The following KCNB2 variants were observed in gnomAD, a reference collection of about 807,000 sequenced individuals.
KCNB2 encodes delayed rectifier potassium channel protein.
KCNB2 carries 15 observed loss-of-function variants against 61.5 expected under a neutral mutation model. The ratio of observed to expected loss-of-function variants is 0.24; its 90% CI spans 0.16 to 0.38. KCNB2 has a LOEUF of 0.38. Among genes scored for constraint, KCNB2 ranks in the 10% least tolerant of loss-of-function variants. The pLI is 1.00. For synonymous variants in KCNB2, 457 were observed against 446.0 expected (o/e 1.02, Z -0.31); for missense variants, 828 against 1,125.2 (o/e 0.74, Z 3.78).
At chr8:72,746,242 T>C (rs1480207949) in intron 2 of KCNB2, among the ~76,000 whole-genome samples, 1 of 152,168 alleles carries the variant, frequency 6.6e-6, no homozygotes, top group African/African-American at 2.4e-5. Flanking sequence ...ATCATGATGC[T>C]ACTACCTCTC....
chr8:72,885,709 T>A (rs1805794856), intron 2 of KCNB2, among the ~76,000 whole-genome samples: 2 of 152,270 alleles, frequency 1.3e-5, no homozygotes, highest in Admixed American at 1.3e-4. Context: ...TCCCTCCCTC[T>A]TTCTCCTGCC....
At chr8:72,678,206 C>T (rs1806693748) in intron 2 of KCNB2, among the ~76,000 whole-genome samples, 1 of 152,188 alleles carries the variant, frequency 6.6e-6, no homozygotes, top group South Asian at 2.1e-4. Context: ...GTCTATGCCA[C>T]CATTGTCTCT....
In KCNB2 at chr8:72,567,944, C is replaced by T. The variant is rs372787931; in HGVS notation, c.210C>T (p.His70=). The T allele has an allele frequency of 7.4e-6, 12 of 1,613,830 alleles. No individual in the cohort carries two copies. The highest frequency in any genetic ancestry group is 5.3e-5 in the African/African-American group (4 of 75,008). ...RLGKLRDCNT[H]ESLLEVCDDY... is the part of the protein sequence containing the mutation. ...GGAAGCTTCGAGACTGCAACACACA[C>T]GAGAGCCTCCTGGAAGTGTGCGACG... is the stretch of plus-strand genomic sequence containing the variant. The change falls in exon 2 of 3, where the codon CAC becomes CAT. Residue 70 remains histidine (H), a synonymous_variant. Coordinates refer to ENST00000523207, the MANE Select transcript of KCNB2 (RefSeq NM_004770.3).
intron 1 of KCNB2, among the ~76,000 whole-genome samples, chr8:72,547,717 A>C (rs1005945532): frequency 6.6e-6 from 1 of 152,228 alleles, no homozygotes; most frequent in Admixed American, 6.5e-5. Context: ...TGATTTCTTC[A>C]GATGAAATTT....
intron 2 of KCNB2, among the ~76,000 whole-genome samples, chr8:72,711,453 G>A (rs1192367713): frequency 2.0e-5 from 3 of 152,130 alleles, no homozygotes; most frequent in Non-Finnish European, 4.4e-5. Context: ...CTATAAACTG[G>A]GAACTTCAGT....
intron 2 of KCNB2, among the ~76,000 whole-genome samples, chr8:72,818,936 T>C (rs920692110): frequency 6.6e-6 from 1 of 152,196 alleles, no homozygotes; most frequent in East Asian, 1.9e-4. Flanking sequence ...ATCTTGGTTC[T>C]ACTGCTTACC....
intron 2 of KCNB2, among the ~76,000 whole-genome samples, chr8:72,729,289 C>A (rs1807702158): frequency 6.6e-6 from 1 of 152,102 alleles, no homozygotes; most frequent in Non-Finnish European, 1.5e-5. Context: ...TTCCAGTGGT[C>A]CATTTTCTAT....
intron 1 of KCNB2, among the ~76,000 whole-genome samples, chr8:72,555,356 G>A (rs76762527): frequency 1.4e-3 from 218 of 151,436 alleles, no homozygotes; most frequent in African/African-American, 5.1e-3. Context: ...CATAACTTTG[G>A]CTCTCTTTCA....
chr8:72,849,000 T>G (rs1240508190), intron 2 of KCNB2, among the ~76,000 whole-genome samples: 1 of 150,422 alleles, frequency 6.6e-6, no homozygotes, highest in African/African-American at 2.4e-5. Flanking sequence ...TTAAGTATTT[T>G]CATCATCTTT....
chr8:72,558,951 G>C (rs941656046), intron 1 of KCNB2, among the ~76,000 whole-genome samples: 1 of 151,970 alleles, frequency 6.6e-6, no homozygotes, highest in Non-Finnish European at 1.5e-5. Context: ...CAAATTCCCT[G>C]TTCCCTGTGG....
At chr8:72,601,567 G>A (rs1441723276) in intron 2 of KCNB2, among the ~76,000 whole-genome samples, 4 of 152,172 alleles carry the variant, frequency 2.6e-5, no homozygotes, top group Admixed American at 2.6e-4. Flanking sequence ...CCCCCTTTAT[G>A]TGAAGTTTAA....
chr8:72,839,221 T>C (rs1336269502), intron 2 of KCNB2, among the ~76,000 whole-genome samples: 2 of 152,222 alleles, frequency 1.3e-5, no homozygotes, highest in Non-Finnish European at 1.5e-5. Context: ...GTAATAAATA[T>C]TTTCTACATT....
chr8:72,707,462 C>A (rs1260790772), intron 2 of KCNB2, among the ~76,000 whole-genome samples: 2 of 152,082 alleles, frequency 1.3e-5, no homozygotes, highest in Non-Finnish European at 2.9e-5. Context: ...TTCCTTGGGT[C>A]TTTTCTTTAA....
Position 72,624,775 on chromosome 8 carries a change from A to G in KCNB2, c.579+56462A>G, listed in dbSNP as rs1416798682. Among the ~76,000 whole-genome samples, 6 of 152,306 alleles carry G rather than the reference A, an allele frequency of 3.9e-5. No homozygotes were observed. In the East Asian group the frequency reaches 1.2e-3, roughly 29 times the overall value. Reference sequence around the variant, plus strand: ...TCCTTAAAAACAACAGAGTAGGGCAAAGGCAGTGGGATGTACTTGGTTATA... The same window carrying G: ...TCCTTAAAAACAACAGAGTAGGGCAGAGGCAGTGGGATGTACTTGGTTATA... On this transcript the variant is annotated intron_variant, in intron 2 of 2. Transcript: ENST00000523207.
chr8:72,741,883 C>T (rs1279455481), intron 2 of KCNB2, among the ~76,000 whole-genome samples: 1 of 152,186 alleles, frequency 6.6e-6, no homozygotes, highest in Non-Finnish European at 1.5e-5. Context: ...ACTTTCTACA[C>T]TGCTGGTGGG....
intron 2 of KCNB2, among the ~76,000 whole-genome samples, chr8:72,598,878 T>C (rs770478726): frequency 3.9e-5 from 6 of 152,024 alleles, no homozygotes; most frequent in Middle Eastern, 3.2e-3. Context: ...TACCTAGGAA[T>C]CCAACTTACA....
At chr8:72,862,566 G>A (rs1038088960) in intron 2 of KCNB2, among the ~76,000 whole-genome samples, 6 of 152,008 alleles carry the variant, frequency 3.9e-5, no homozygotes, top group African/African-American at 1.2e-4. Context: ...TTTTCCTTTT[G>A]TAAATCTAGG....
intron 2 of KCNB2, among the ~76,000 whole-genome samples, chr8:72,629,026 A>T (rs181190912): frequency 6.6e-6 from 1 of 152,206 alleles, no homozygotes; most frequent in East Asian, 1.9e-4. Context: ...GGAGTGTCAA[A>T]CCAATTGTTA....
rs78923837 is a variant in KCNB2 at position 72,572,946 on chromosome 8, G to A, written c.579+4633G>A. On this transcript the variant is annotated intron_variant, in intron 2 of 2. Coordinates refer to ENST00000523207, the MANE Select transcript of KCNB2 (RefSeq NM_004770.3). ...GCATGGTGCAGCGCGGCACCTGAAG[G>A]GCCAGGAGACCTTAGCCATCCTTGG... Among the ~76,000 whole-genome samples, 730 of 152,228 alleles carry A rather than the reference G, an allele frequency of 4.8e-3. 8 individuals carry two copies. Among genetic ancestry groups the A allele is most frequent in the Middle Eastern group, 6.8e-3 (2 of 294 alleles).
Sources: allele counts gnomAD v4.1 joint callset (sites outside exome capture counted in the v4.1 genomes callset), GRCh38; gene constraint gnomAD v4.1.1; transcripts MANE v1.5; gene names NCBI Gene and HGNC (gene_info 2026-07-23, HGNC 2026-07-21).